Variants in PAPOLA observed in about 807,000 individuals in gnomAD.
The protein encoded by PAPOLA is polynucleotide adenylyltransferase alpha.
A neutral mutation model predicts 100.6 loss-of-function variants in PAPOLA; 15 were observed. The ratio of observed to expected loss-of-function variants is 0.15; its 90% CI spans 0.10 to 0.23. The LOEUF is 0.23. Ranked by LOEUF, PAPOLA falls within the 10% of genes least tolerant of loss-of-function variation. PAPOLA has a pLI of 1.00. For missense variants in PAPOLA, 533 were observed against 884.2 expected (o/e 0.60, Z 5.04); for synonymous variants, 293 against 300.0 (o/e 0.98, Z 0.24).
intron 1 of PAPOLA, chr14:96,504,560 GC>G (rs1402799191): frequency 6.6e-6 from 1 of 152,372 alleles, no homozygotes. Context: ...AGTTAGCTGG[GC>G]GTGGTGGCTC....
At chr14:96,528,082 T>C (rs1169714683) in intron 6 of PAPOLA, 76 bp downstream of exon 6, 15 of 941,052 alleles carry the variant, frequency 1.6e-5, no homozygotes, top group African/African-American at 3.2e-5. Flanking sequence ...AAAAACTTGG[T>C]TTAAAGTTTA....
chr14:96,549,207 G>A (rs947528740), intron 16 of PAPOLA, among the ~76,000 whole-genome samples: 6 of 151,638 alleles, frequency 4.0e-5, no homozygotes, highest in Non-Finnish European at 8.8e-5. Context: ...ATGGGGAGGG[G>A]TCTAAAATCA....
Position 96,532,436 on chromosome 14 carries a change from G to C in PAPOLA, c.697+16G>C, listed in dbSNP as rs771594776. 1.2e-6 allele frequency: 2 copies of C among 1,606,860 alleles called. No individual in the cohort carries two copies. The highest frequency in any genetic ancestry group is 4.5e-5 in the East Asian group (2 of 44,814). ...TGGGCCAAACGTGAGTTCAGAATTT[G>C]TTGGCTAGCTTATTAAAAATGTTCA... On this transcript the variant is annotated intron_variant, in intron 8 of 21. Coordinates refer to ENST00000216277, the MANE Select transcript of PAPOLA (RefSeq NM_032632.5).
In PAPOLA at chr14:96,525,405, C is replaced by T; in HGVS notation, c.331+14C>T. ...TGCATACAAAAGGTAAGTATTATTT[C>T]ATTTTTCTTAGAAAGGGACCCTTTA... On this transcript the variant is annotated intron_variant, in intron 4 of 21. Coordinates refer to ENST00000216277, the MANE Select transcript of PAPOLA (RefSeq NM_032632.5). The T allele has an allele frequency of 8.8e-7, 1 of 1,130,066 alleles. No individual in the cohort carries two copies. The highest frequency in any genetic ancestry group is 1.3e-6 in the Non-Finnish European group (1 of 774,346). 70.0% of individuals were successfully genotyped at this position (1,130,066 alleles called of 1,614,324 possible). A position where few individuals can be genotyped will look rare whatever the true frequency, so the allele number is the denominator to read the frequency against.
At chr14:96,527,272 G>T in intron 4 of PAPOLA, 158 bp from the exon 5 acceptor site, 1 of 587,200 alleles carries the variant, frequency 1.7e-6, no homozygotes, top group South Asian at 2.2e-5. Context: ...AATCATGTTT[G>T]TCCTCCATTG....
chr14:96,555,079 A>G (rs1431440429), intron 17 of PAPOLA, among the ~76,000 whole-genome samples: 1 of 152,036 alleles, frequency 6.6e-6, no homozygotes, highest in East Asian at 1.9e-4. Context: ...TAAGATATTG[A>G]AATAATCCCC....
intron 1 of PAPOLA, among the ~76,000 whole-genome samples, chr14:96,518,279 C>G (rs1273031209): frequency 6.6e-6 from 1 of 152,210 alleles, no homozygotes; most frequent in African/African-American, 2.4e-5. Flanking sequence ...TTAGATCTTT[C>G]TTGATATCAC....
At chr14:96,533,918 G>A (rs1296015542) in intron 9 of PAPOLA, 5 of 985,322 alleles carry the variant, frequency 5.1e-6, no homozygotes, top group African/African-American at 1.7e-5. Context: ...TAACCTTGAT[G>A]TTAAGAGTGG....
At chr14:96,503,877 A>T (rs574223693) in intron 1 of PAPOLA, among the ~76,000 whole-genome samples, 44 of 152,140 alleles carry the variant, frequency 2.9e-4, no homozygotes, top group Non-Finnish European at 5.9e-4. Flanking sequence ...AATGACTTCT[A>T]TCGCAATTTA....
At chr14:96,559,596 T>TATATATATACAC (rs1426338442) in intron 19 of PAPOLA, among the ~76,000 whole-genome samples, 1 of 145,536 alleles carries the variant, frequency 6.9e-6, no homozygotes, top group South Asian at 2.2e-4. Context: ...TATATATATA[T>TATATATATACAC]ACACACACAC....
intron 1 of PAPOLA, among the ~76,000 whole-genome samples, chr14:96,514,026 G>T (rs1897268787): frequency 6.6e-6 from 1 of 152,120 alleles, no homozygotes; most frequent in South Asian, 2.1e-4. Flanking sequence ...ACTATGGACA[G>T]TCAAAGCCAT....
At chr14:96,540,218 A>G (rs1899868754) in intron 12 of PAPOLA, among the ~76,000 whole-genome samples, 2 of 152,174 alleles carry the variant, frequency 1.3e-5, no homozygotes, top group Non-Finnish European at 2.9e-5. Context: ...TTGAAGACTA[A>G]GGTGGTTATT....
chr14:96,502,732 T>G (rs555112695), intron 1 of PAPOLA, 132 bp downstream of exon 1: 1 of 957,008 alleles, frequency 1.0e-6, no homozygotes, highest in African/African-American at 1.7e-5. Context: ...CAGGCAGGAC[T>G]GGGGACCTTC....
At chr14:96,506,652 G>C (rs574673040) in intron 1 of PAPOLA, among the ~76,000 whole-genome samples, 1 of 152,270 alleles carries the variant, frequency 6.6e-6, no homozygotes, top group East Asian at 1.9e-4. Flanking sequence ...GCTGACATTG[G>C]TGGTAATATT....
rs143740015 is a variant in PAPOLA at position 96,520,639 on chromosome 14, C to T, written c.183-367C>T. Reference sequence around the variant, plus strand: ...TCTCCCAAAGTGTTGGGATTACAGGCGTGAGCCACCGTACCTGGCTGAAAA... The same window carrying T: ...TCTCCCAAAGTGTTGGGATTACAGGTGTGAGCCACCGTACCTGGCTGAAAA... On this transcript the variant is annotated intron_variant, in intron 2 of 21. Coordinates refer to ENST00000216277, the MANE Select transcript of PAPOLA (RefSeq NM_032632.5). Among the ~76,000 whole-genome samples the T allele has an allele frequency of 3.5e-3, 538 of 152,224 alleles. 2 individuals carry two copies. Among genetic ancestry groups the T allele is most frequent in the African/African-American group, 0.012 (509 of 41,526 alleles).
At chr14:96,514,390 C>T (rs1322510144) in intron 1 of PAPOLA, among the ~76,000 whole-genome samples, 2 of 151,410 alleles carry the variant, frequency 1.3e-5, no homozygotes, top group Non-Finnish European at 2.9e-5. Context: ...ACTGTGTCAG[C>T]CAGGGTGGTC....
chr14:96,529,879 A>G (rs566900366), intron 6 of PAPOLA, among the ~76,000 whole-genome samples: 7 of 152,286 alleles, frequency 4.6e-5, no homozygotes, highest in African/African-American at 1.2e-4. Flanking sequence ...AAAAGAAACA[A>G]TTTTGTCAGC....
chr14:96,544,467 G>T (rs1353504449), intron 15 of PAPOLA, among the ~76,000 whole-genome samples: 1 of 151,984 alleles, frequency 6.6e-6, no homozygotes, highest in East Asian at 1.9e-4. Context: ...GATTTTTTCA[G>T]ATTTTGGAAT....
At chr14:96,529,551 T>C (rs1371870469) in intron 6 of PAPOLA, among the ~76,000 whole-genome samples, 1 of 151,692 alleles carries the variant, frequency 6.6e-6, no homozygotes, top group Non-Finnish European at 1.5e-5. Flanking sequence ...TGAAACCCTG[T>C]CTGTACTAAA....
Sources: allele counts gnomAD v4.1 joint callset (sites outside exome capture counted in the v4.1 genomes callset), GRCh38; gene constraint gnomAD v4.1.1; transcripts MANE v1.5; gene names NCBI Gene and HGNC (gene_info 2026-07-23, HGNC 2026-07-21).